The following ERC2 variants were observed in gnomAD, a reference collection of about 807,000 sequenced individuals.
ERC2 encodes the protein ERC protein 2.
Under a neutral mutation model 114.8 loss-of-function variants are expected in ERC2, and 42 were observed. That is an observed-to-expected ratio of 0.37 (90% CI 0.29 to 0.47). The LOEUF (loss-of-function observed/expected upper bound fraction) is 0.47. Among genes scored for constraint, ERC2 ranks in the 20% least tolerant of loss-of-function variants. The pLI is 0.99. For synonymous variants in ERC2, 454 were observed against 425.5 expected (o/e 1.07, Z -0.82); for missense variants, 939 against 1,150.7 (o/e 0.82, Z 2.66).
chr3:56,040,682 A>G (rs2075127446), intron 7 of ERC2, among the ~76,000 whole-genome samples: 1 of 142,406 alleles, frequency 7.0e-6, no homozygotes, highest in Non-Finnish European at 1.5e-5. Context: ...ATAGATACAT[A>G]TATCTCTATA....
chr3:55,938,262 T>C (rs2066578262), intron 13 of ERC2, among the ~76,000 whole-genome samples: 1 of 150,262 alleles, frequency 6.7e-6, no homozygotes, highest in African/African-American at 2.5e-5. Flanking sequence ...TATTTTTATA[T>C]GGGAAACAAT....
intron 3 of ERC2, among the ~76,000 whole-genome samples, chr3:56,273,570 CT>C: frequency 6.6e-6 from 1 of 151,536 alleles, no homozygotes; most frequent in East Asian, 1.9e-4. Flanking sequence ...ACGGAGGATT[CT>C]TTTTTTCACA....
chr3:56,325,138 A>T (rs1051041234), intron 2 of ERC2, among the ~76,000 whole-genome samples: 30 of 151,962 alleles, frequency 2.0e-4, no homozygotes, highest in Non-Finnish European at 2.6e-4. Context: ...CAGGGATTTG[A>T]CTATTTGTTT....
At chr3:56,142,688 T>C (rs1321036425) in intron 5 of ERC2, among the ~76,000 whole-genome samples, 2 of 152,174 alleles carry the variant, frequency 1.3e-5, no homozygotes, top group African/African-American at 4.8e-5. Context: ...CACTTATTAA[T>C]ATTTCATAGT....
At chr3:55,962,712 C>A (rs184289487) in intron 12 of ERC2, among the ~76,000 whole-genome samples, 3 of 152,306 alleles carry the variant, frequency 2.0e-5, no homozygotes, top group Admixed American at 1.3e-4. Flanking sequence ...ATGAGGGAAC[C>A]GTCGAAAGTT....
At position 55,810,183 on chromosome 3, in the gene ERC2, G is replaced by A. The variant is rs190197016; in HGVS notation, c.2565-75265C>T. On this transcript the variant is annotated intron_variant, in intron 14 of 17. Transcript: ENST00000288221. Reference sequence around the variant, plus strand: ...CCCTGCTCCTTTTTTTTCTTTTTTGGTTACACACAGAAATCATATCATAGA... The same window carrying A: ...CCCTGCTCCTTTTTTTTCTTTTTTGATTACACACAGAAATCATATCATAGA... 4.9e-3 allele frequency among the ~76,000 whole-genome samples: 743 copies of A among 150,808 alleles called. 5 individuals carry two copies. The highest frequency in any genetic ancestry group is 0.017 in the African/African-American group (703 of 41,160).
intron 13 of ERC2, among the ~76,000 whole-genome samples, chr3:55,904,276 G>A (rs987870153): frequency 6.6e-6 from 1 of 152,040 alleles, no homozygotes; most frequent in Non-Finnish European, 1.5e-5. Flanking sequence ...GAGTACCATA[G>A]GTAAAAATAG....
At chr3:55,897,352 A>T (rs2063892739) in intron 13 of ERC2, among the ~76,000 whole-genome samples, 1 of 152,196 alleles carries the variant, frequency 6.6e-6, no homozygotes, top group Non-Finnish European at 1.5e-5. Context: ...ATATGTCAGC[A>T]TGGAGTTGGT....
intron 12 of ERC2, among the ~76,000 whole-genome samples, chr3:55,952,075 A>G (rs1469814165): frequency 6.7e-5 from 10 of 149,040 alleles, no homozygotes; most frequent in African/African-American, 2.5e-4. Flanking sequence ...CTGAGGCAGG[A>G]GGATCGCTTG....
At chr3:56,188,155 C>G (rs1040613686) in intron 3 of ERC2, among the ~76,000 whole-genome samples, 1 of 152,182 alleles carries the variant, frequency 6.6e-6, no homozygotes, top group Admixed American at 6.5e-5. Flanking sequence ...CCTCTGAACA[C>G]AACTTGAGGG....
At chr3:55,895,642 C>CA (rs1423884710) in intron 13 of ERC2, among the ~76,000 whole-genome samples, 1 of 152,124 alleles carries the variant, frequency 6.6e-6, no homozygotes, top group Non-Finnish European at 1.5e-5. Context: ...ACTGTGTCTC[C>CA]ATCTTCTTTG....
rs2082794052 is a variant in ERC2, at chr3:56,173,514, G to A, written c.1081C>T (p.His361Tyr). 6.2e-7 allele frequency: 1 copy of A among 1,613,808 alleles called. No individual in the cohort carries two copies. The change falls in exon 4 of 18, where the codon CAC becomes TAC. Residue 361 changes from histidine to tyrosine, a missense_variant. Coordinates refer to ENST00000288221, the MANE Select transcript of ERC2 (RefSeq NM_015576.3). Reference sequence around the variant, plus strand: ...TCCGGCTGAAGTTGGCTTCTTCGGTGCAATTCCTGGGGAGGAACACGATAG... The same window carrying A: ...TCCGGCTGAAGTTGGCTTCTTCGGTACAATTCCTGGGGAGGAACACGATAG... ...KENIHLREEL[H>Y]RRSQLQPEPA...
intron 13 of ERC2, among the ~76,000 whole-genome samples, chr3:55,933,224 A>G (rs2066232835): frequency 7.3e-6 from 1 of 136,816 alleles, no homozygotes; most frequent in South Asian, 2.4e-4. Flanking sequence ...AAAAAAAAAG[A>G]GAGAGAATAA....
chr3:55,879,297 A>G (rs757188246), intron 14 of ERC2, among the ~76,000 whole-genome samples: 2 of 151,980 alleles, frequency 1.3e-5, no homozygotes, highest in Non-Finnish European at 2.9e-5. Context: ...AACAGGTGAG[A>G]GTGTTCCTGC....
intron 11 of ERC2, among the ~76,000 whole-genome samples, chr3:55,988,165 T>A (rs12496818): frequency 0.047 from 7,174 of 152,294 alleles, 279 homozygotes; most frequent in Admixed American, 0.11. Flanking sequence ...ACAGAAGCAC[T>A]GCATATTTCA....
intron 13 of ERC2, among the ~76,000 whole-genome samples, chr3:55,898,759 C>T (rs1032162221): frequency 6.6e-6 from 1 of 152,050 alleles, no homozygotes; most frequent in Non-Finnish European, 1.5e-5. Flanking sequence ...TCACATTTTT[C>T]ATCTTCAGTG....
chr3:56,060,719 G>A (rs187985987), intron 7 of ERC2, among the ~76,000 whole-genome samples: 179 of 152,152 alleles, frequency 1.2e-3, no homozygotes, highest in African/African-American at 4.1e-3. Context: ...TCCCAACATC[G>A]TCCCAATGGA....
chr3:55,946,945 G>A (rs999965668), intron 13 of ERC2, among the ~76,000 whole-genome samples: 7 of 152,162 alleles, frequency 4.6e-5, no homozygotes, highest in African/African-American at 1.2e-4. Context: ...GCTAACTAGG[G>A]TGTATTCTTA....
chr3:56,272,586 A>G (rs1417135774), intron 3 of ERC2, among the ~76,000 whole-genome samples: 2 of 152,218 alleles, frequency 1.3e-5, no homozygotes, highest in Non-Finnish European at 2.9e-5. Context: ...CCTGGCCAAC[A>G]TAGTGAAACG....
Sources: gnomAD v4.1 joint callset for allele counts (sites outside exome capture counted in the v4.1 genomes callset) on GRCh38, gnomAD v4.1.1 for gene constraint, MANE v1.5 for transcripts, NCBI Gene and HGNC (gene_info 2026-07-23, HGNC 2026-07-21) for gene names.